Variants in C21orf58 observed in about 807,000 individuals in gnomAD.
C21orf58 encodes uncharacterized protein C21orf58.
Under a neutral mutation model 35.8 loss-of-function variants are expected in C21orf58, and 34 were observed. The ratio of observed to expected loss-of-function variants is 0.95; its 90% CI spans 0.72 to 1.26. C21orf58 has a LOEUF of 1.26. Ranked by LOEUF, C21orf58 falls within the 50% of genes most tolerant of loss-of-function variation. The pLI is 0.00. For synonymous variants in C21orf58, 191 were observed against 175.8 expected, an observed-to-expected ratio of 1.09 and a Z score of -0.68; for missense variants, 440 against 414.3, an observed-to-expected ratio of 1.06 and a Z score of -0.54.
In C21orf58 at chr21:46,323,797, G is replaced by A. The variant is rs950670006; in HGVS notation, c.-1059C>T. 1 of 305,324 alleles carries A rather than the reference G, an allele frequency of 3.3e-6. No homozygotes were observed. Among genetic ancestry groups the A allele is most frequent in the Non-Finnish European group, 6.3e-6 (1 of 158,220 alleles). 18.9% of individuals were successfully genotyped at this position (305,324 alleles called of 1,614,324 possible). ...CGTTCGGCGCCGCCCGCGCCTGCAG[G>A]GAGCCCGGCCCGCTGTCCTGGTGGA... On this transcript the variant is annotated 5_prime_UTR_variant, in exon 1 of 8. Transcript: ENST00000291691.
Position 46,301,710 on chromosome 21 carries a change from C to T in C21orf58, c.*289G>A, listed in dbSNP as rs149602754. ...CTGAGGCTCCCAGGTGGGCCGGCGC[C>T]GCCCTACAGGAAAGGAGGGGTCCCT... is the stretch of plus-strand genomic sequence containing the variant. On this transcript the variant is annotated 3_prime_UTR_variant, in exon 8 of 8. Transcript: ENST00000291691. 1.6e-4 allele frequency: 192 copies of T among 1,183,454 alleles called. No individual in the cohort carries two copies. The East Asian group carries it at 4.9e-3, about 30-fold the overall frequency. 73.3% of individuals were successfully genotyped at this position (1,183,454 alleles called of 1,614,324 possible). A position where few individuals can be genotyped will look rare whatever the true frequency, so the allele number is the denominator to read the frequency against.
In C21orf58 at chr21:46,317,188, A is replaced by C; in HGVS notation, c.370+20T>G. The stretch of plus-strand genomic sequence containing the variant: ...CTTGCGTCTGTCTGTGCTGGTTCCA[A>C]GCAGCCCAGGGGCTCTCACCTGGCT... On this transcript the variant is annotated intron_variant, in intron 3 of 7. Transcript: ENST00000291691. 1 of 1,606,984 alleles carries C rather than the reference A, an allele frequency of 6.2e-7. No individual in the cohort carries two copies. The highest frequency in any genetic ancestry group is 8.5e-7 in the Non-Finnish European group (1 of 1,178,134).
chr21:46,312,389 G>T (rs1176005293), intron 5 of C21orf58, among the ~76,000 whole-genome samples: 1 of 152,068 alleles, frequency 6.6e-6, no homozygotes, highest in Admixed American at 6.6e-5. Context: ...TACAACCTCA[G>T]CTCACTGCAA....
At chr21:46,304,585 C>T (rs1278203684) in intron 6 of C21orf58, among the ~76,000 whole-genome samples, 1 of 152,080 alleles carries the variant, frequency 6.6e-6, no homozygotes, top group East Asian at 1.9e-4. Flanking sequence ...ATAAGATGCC[C>T]ACCACGCTGG....
In C21orf58 at chr21:46,301,787, C is replaced by G; in HGVS notation, c.*212G>C. 8.1e-7 allele frequency: 1 copy of G among 1,239,860 alleles called. No homozygotes were observed. The highest frequency in any genetic ancestry group is 1.0e-6 in the Non-Finnish European group (1 of 992,526). The allele number at this position is 1,239,860 out of a possible 1,614,324, so 76.8% of individuals were successfully genotyped here. ...TCACAGGCCCCTCACTGCAGGGGAC[C>G]CGGAGCAAGGGATGCCCCCTGGAAT... On this transcript the variant is annotated 3_prime_UTR_variant, in exon 8 of 8. Transcript: ENST00000291691.
At chr21:46,305,110 C>T (rs761768709) in intron 6 of C21orf58, among the ~76,000 whole-genome samples, 5 of 152,126 alleles carry the variant, frequency 3.3e-5, no homozygotes, top group Non-Finnish European at 2.9e-5. Flanking sequence ...TCTGACACAT[C>T]GAACACAGTC....
In C21orf58 at chr21:46,301,974, C is replaced by A; in HGVS notation, c.*25G>T. 8 of 1,493,460 alleles carry A rather than the reference C, an allele frequency of 5.4e-6. No homozygotes were observed. Among genetic ancestry groups the A allele is most frequent in the Non-Finnish European group, 7.1e-6 (8 of 1,121,688 alleles). The allele number at this position is 1,493,460 out of a possible 1,614,324, so 92.5% of individuals were successfully genotyped here. The stretch of plus-strand genomic sequence containing the variant: ...GGAAGCCTGGGGGTGGAGGGTGCCC[C>A]GGCCAGGGTCTCTGTGACTCACACT... On this transcript the variant is annotated 3_prime_UTR_variant, in exon 8 of 8. Coordinates refer to ENST00000291691, the MANE Select transcript of C21orf58 (RefSeq NM_058180.5).
chr21:46,311,659 C>T (rs2082697648), intron 5 of C21orf58, 92 bp from the exon 6 acceptor site: 1 of 567,292 alleles, frequency 1.8e-6, no homozygotes, highest in East Asian at 3.2e-5. Flanking sequence ...ACCCATCCAA[C>T]CAACCAACCA....
chr21:46,318,195 G>T lies in C21orf58; in HGVS notation c.126C>A (p.Arg42=). 6.2e-7 allele frequency: 1 copy of T among 1,612,712 alleles called. No homozygotes were observed. Among genetic ancestry groups the T allele is most frequent in the African/African-American group, 1.3e-5 (1 of 75,042 alleles). The part of the protein sequence containing the change: ...LCGWSPGGKA[R]PAGNTGAWAP... ...CCCAAGCACCGGTGTTGCCTGCAGGGCGGGCCTTACCTCCTGGAGACCAGC... is the reference window on the plus strand; with the variant it reads ...CCCAAGCACCGGTGTTGCCTGCAGGTCGGGCCTTACCTCCTGGAGACCAGC... Residue 42 remains arginine (R), a synonymous_variant, in exon 2 of 8, where the codon CGC becomes CGA. Coordinates refer to ENST00000291691, the MANE Select transcript of C21orf58 (RefSeq NM_058180.5).
rs144121164 is a variant in C21orf58, at chr21:46,313,374, C to T, written c.609+1342G>A. On this transcript the variant is annotated intron_variant, in intron 5 of 7. Coordinates refer to ENST00000291691, the MANE Select transcript of C21orf58 (RefSeq NM_058180.5). ...GCTCCGGTCTGAAGCTGTGGTTTGC[C>T]CACCCCTGGCACAGACCCATGAGGC... Among the ~76,000 whole-genome samples, 1,229 of 152,260 alleles carry T rather than the reference C, an allele frequency of 8.1e-3. 7 individuals are homozygous for T. The highest frequency in any genetic ancestry group is 0.013 in the Non-Finnish European group (898 of 68,020).
intron 6 of C21orf58, among the ~76,000 whole-genome samples, chr21:46,304,716 T>C (rs2082334598): frequency 1.3e-5 from 2 of 152,272 alleles, no homozygotes; most frequent in Admixed American, 1.3e-4. Flanking sequence ...TGGCTGTATT[T>C]CCTGACACAG....
intron 2 of C21orf58, 45 bp downstream of exon 2, chr21:46,317,967 G>C: frequency 6.2e-7 from 1 of 1,603,814 alleles, no homozygotes; most frequent in Non-Finnish European, 8.5e-7. Flanking sequence ...CAACGCCACA[G>C]CCTGCGAGTT....
chr21:46,311,418 T>C (rs773708893), intron 6 of C21orf58, 38 bp downstream of exon 6: 2 of 1,263,144 alleles, frequency 1.6e-6, no homozygotes, highest in South Asian at 3.0e-5. Flanking sequence ...AGTAGATAAT[T>C]TCCTCAACCC....
At chr21:46,317,844 C>G (rs2083031670) in intron 2 of C21orf58, among the ~76,000 whole-genome samples, 168 bp downstream of exon 2, 2 of 152,250 alleles carry the variant, frequency 1.3e-5, no homozygotes, top group Non-Finnish European at 2.9e-5. Context: ...CACCCAGACC[C>G]TCAGAGAATG....
downstream of C21orf58, chr21:46,300,886 A>C (rs2082084273): frequency 3.0e-6 from 3 of 993,416 alleles, no homozygotes; most frequent in South Asian, 4.5e-5. Context: ...ACCCAAAAAA[A>C]AAAGTAACAA....
At chr21:46,316,713 T>C (rs2146092316) in intron 3 of C21orf58, among the ~76,000 whole-genome samples, 1 of 152,340 alleles carries the variant, frequency 6.6e-6, no homozygotes, top group East Asian at 1.9e-4. Flanking sequence ...TTTGGGATTT[T>C]CTCTCTGTAT....
chr21:46,303,745 A>ATATTT (rs2082273893), intron 6 of C21orf58, among the ~76,000 whole-genome samples: 3 of 23,816 alleles, frequency 1.3e-4, no homozygotes, highest in African/African-American at 1.7e-4. Context: ...ATATATATAT[A>ATATTT]TTTTTTTTTT....
chr21:46,320,267 T>A (rs2083111074), intron 1 of C21orf58, among the ~76,000 whole-genome samples: 1 of 151,956 alleles, frequency 6.6e-6, no homozygotes, highest in South Asian at 2.1e-4. Flanking sequence ...CACGCCCAGT[T>A]AATCTTTGTA....
chr21:46,312,916 A>C, intron 5 of C21orf58: 1 of 841,896 alleles, frequency 1.2e-6, no homozygotes, highest in Non-Finnish European at 1.4e-6. Context: ...ACACGTCATG[A>C]AAATGAACTT....
Sources: gnomAD v4.1 joint callset for allele counts (sites outside exome capture counted in the v4.1 genomes callset) on GRCh38, gnomAD v4.1.1 for gene constraint, MANE v1.5 for transcripts, NCBI Gene and HGNC (gene_info 2026-07-23, HGNC 2026-07-21) for gene names.